The following EDNRA variants were observed in gnomAD, a reference collection of about 807,000 sequenced individuals.
EDNRA encodes endothelin-1 receptor.
A neutral mutation model predicts 41.4 loss-of-function variants in EDNRA; 11 were observed. The ratio of observed to expected loss-of-function variants is 0.27; its 90% CI spans 0.17 to 0.44. The LOEUF is 0.44. EDNRA is among the 20% of genes least tolerant of loss of function. The probability of loss-of-function intolerance (pLI) is 1.00; values close to 1 mark genes in which losing one functional copy is unlikely to be tolerated. For missense variants in EDNRA, 294 were observed against 531.0 expected (o/e 0.55, Z 4.39); for synonymous variants, 172 against 183.0 (o/e 0.94, Z 0.49).
intron 3 of EDNRA, among the ~76,000 whole-genome samples, chr4:147,523,682 G>T (rs534305195): frequency 4.9e-4 from 74 of 151,960 alleles, no homozygotes; most frequent in African/African-American, 1.6e-3. Context: ...AGTAGAGACG[G>T]GGTTTCACCG....
rs1560922735 is a variant in EDNRA at position 147,543,590 on chromosome 4, A to G, written c.*972A>G. 6.6e-6 allele frequency: 1 copy of G among 152,170 alleles called. No individual in the cohort carries two copies. The highest frequency in any genetic ancestry group is 1.5e-5 in the Non-Finnish European group (1 of 68,034). The allele number at this position is 152,170 out of a possible 1,614,324, so 9.4% of individuals were successfully genotyped here. A position where few individuals can be genotyped will look rare whatever the true frequency, so the allele number is the denominator to read the frequency against. The stretch of plus-strand genomic sequence containing the variant: ...TATAGAAGTCTAAAACACACCTAAG[A>G]GAAAAAGATCGAATTTTTCAGATGA... On this transcript the variant is annotated 3_prime_UTR_variant, in exon 8 of 8. Coordinates refer to ENST00000651419, the MANE Select transcript of EDNRA (RefSeq NM_001957.4).
At chr4:147,535,091 C>G (rs1004706477) in intron 4 of EDNRA, among the ~76,000 whole-genome samples, 1 of 152,118 alleles carries the variant, frequency 6.6e-6, no homozygotes, top group African/African-American at 2.4e-5. Context: ...AGCATTTCGT[C>G]CCAAGTTGGT....
chr4:147,506,293 G>T, intron 2 of EDNRA: 1 of 463,436 alleles, frequency 2.2e-6, no homozygotes, highest in Non-Finnish European at 4.2e-6. Flanking sequence ...AATATTGGAG[G>T]CCATATATGA....
intron 2 of EDNRA, chr4:147,490,760 T>C (rs1238131924): frequency 1.3e-5 from 2 of 152,190 alleles, no homozygotes; most frequent in Non-Finnish European, 1.5e-5. Flanking sequence ...TGGGTTATAA[T>C]TTTGAACAGA....
intron 2 of EDNRA, among the ~76,000 whole-genome samples, chr4:147,504,798 A>T (rs1729631139): frequency 2.0e-5 from 3 of 151,794 alleles, no homozygotes. Context: ...CTACAAAAAA[A>T]AATACAAAAG....
chr4:147,499,744 TTTCA>T (rs1355307710), intron 2 of EDNRA, among the ~76,000 whole-genome samples: 1 of 152,024 alleles, frequency 6.6e-6, no homozygotes, highest in Non-Finnish European at 1.5e-5. Context: ...GATGAAGATT[TTTCA>T]TTTATTTTAG....
chr4:147,506,845 T>C (rs921265911), intron 2 of EDNRA: 1 of 167,882 alleles, frequency 6.0e-6, no homozygotes, highest in Non-Finnish European at 1.3e-5. Context: ...TTGAACACCG[T>C]ATGTTAATGG....
rs57911108 is a variant in EDNRA, at chr4:147,504,957, C to CAAAAAAAAAAAAAAAA, written c.421-14889_421-14874dup. On this transcript the variant is annotated intron_variant, in intron 2 of 7. Transcript: ENST00000651419. ...TGGGCAACAAAGTGGGACCCTGTCT[C>CAAAAAAAAAAAAAAAA]AAAAAAAAAAAAAAAAAAAAGGATT... Among the ~76,000 whole-genome samples, 27 of 39,038 alleles carry CAAAAAAAAAAAAAAAA rather than the reference C, an allele frequency of 6.9e-4. 3 individuals are homozygous for CAAAAAAAAAAAAAAAA. Among genetic ancestry groups the CAAAAAAAAAAAAAAAA allele is most frequent in the African/African-American group, 2.2e-3 (19 of 8,458 alleles). The allele number at this position is 39,038 out of a possible 152,430, so 25.6% of individuals were successfully genotyped here.
chr4:147,514,110 T>C (rs908431293), intron 2 of EDNRA, among the ~76,000 whole-genome samples: 7 of 152,214 alleles, frequency 4.6e-5, no homozygotes, highest in Admixed American at 2.0e-4. Context: ...TTCTTTCATA[T>C]GCATTAACCC....
chr4:147,489,601 A>C (rs1448154758), intron 2 of EDNRA: 1 of 152,228 alleles, frequency 6.6e-6, no homozygotes, highest in Non-Finnish European at 1.5e-5. Flanking sequence ...CATAACAGGT[A>C]TCAAACAGCT....
intron 2 of EDNRA, chr4:147,506,521 G>T (rs1729721835): frequency 7.2e-6 from 2 of 275,866 alleles, no homozygotes; most frequent in Admixed American, 8.5e-5. Context: ...GAATGTGAAA[G>T]GAAAGAGAAA....
intron 3 of EDNRA, among the ~76,000 whole-genome samples, chr4:147,527,370 C>G (rs983965000): frequency 6.6e-6 from 1 of 152,138 alleles, no homozygotes; most frequent in Admixed American, 6.6e-5. Flanking sequence ...ATATCAAAAT[C>G]TTGTTATACT....
intron 2 of EDNRA, chr4:147,492,810 A>G (rs567981096): frequency 2.0e-5 from 3 of 152,254 alleles, no homozygotes; most frequent in African/African-American, 7.2e-5. Flanking sequence ...TTATTAGCCA[A>G]TTTGCTGTTT....
chr4:147,498,679 C>T (rs939109044), intron 2 of EDNRA, among the ~76,000 whole-genome samples: 1 of 152,324 alleles, frequency 6.6e-6, no homozygotes, highest in South Asian at 2.1e-4. Context: ...CTGCCCCTTC[C>T]TCTCATCCCT....
At chr4:147,540,254 T>C in intron 6 of EDNRA, 123 bp from the exon 7 acceptor site, 1 of 856,230 alleles carries the variant, frequency 1.2e-6, no homozygotes, top group Middle Eastern at 2.7e-4. Flanking sequence ...TACAAAATTC[T>C]AACTGCCACC....
chr4:147,520,515 T>C (rs1234052177), intron 3 of EDNRA: 17 of 516,094 alleles, frequency 3.3e-5, no homozygotes, highest in Non-Finnish European at 5.4e-5. Context: ...CCGAAGTCTT[T>C]CCAGAATCCG....
chr4:147,506,124 G>A (rs1729708053), intron 2 of EDNRA: 1 of 527,030 alleles, frequency 1.9e-6, no homozygotes, highest in South Asian at 1.4e-5. Context: ...ATGAGCTAAA[G>A]CCCCTGGAAG....
chr4:147,509,744 T>C (rs1729854525), intron 2 of EDNRA, among the ~76,000 whole-genome samples: 2 of 152,046 alleles, frequency 1.3e-5, no homozygotes, highest in African/African-American at 4.8e-5. Context: ...TAACGCCTAA[T>C]GATCTGTCAC....
At chr4:147,482,289 C>T (rs1728790756) in intron 1 of EDNRA, among the ~76,000 whole-genome samples, 1 of 152,202 alleles carries the variant, frequency 6.6e-6, no homozygotes, top group Non-Finnish European at 1.5e-5. Context: ...TACAGGTGAA[C>T]TTTGATCCTG....
Sources: allele counts gnomAD v4.1 joint callset (sites outside exome capture counted in the v4.1 genomes callset), GRCh38; gene constraint gnomAD v4.1.1; transcripts MANE v1.5; gene names NCBI Gene and HGNC (gene_info 2026-07-23, HGNC 2026-07-21).